Variants in ARMC9 observed in about 807,000 individuals in gnomAD.
The protein encoded by ARMC9 is armadillo repeat containing 9.
ARMC9 carries 94 observed loss-of-function variants against 107.0 expected under a neutral mutation model. The observed-to-expected ratio is 0.88, with a 90% CI of 0.74 to 1.04. The LOEUF (loss-of-function observed/expected upper bound fraction) is 1.04. ARMC9 is among the 50% of genes least tolerant of loss of function. The probability of loss-of-function intolerance (pLI) is 0.00; values close to 1 mark genes in which losing one functional copy is unlikely to be tolerated. For missense variants in ARMC9, 942 were observed against 1,030.1 expected, an observed-to-expected ratio of 0.91 and a Z score of 1.17; for synonymous variants, 380 against 396.9, an observed-to-expected ratio of 0.96 and a Z score of 0.51.
chr2:231,337,520 A>T, intron 20 of ARMC9, among the ~76,000 whole-genome samples: 13 of 106,540 alleles, frequency 1.2e-4, no homozygotes, highest in Non-Finnish European at 1.4e-4. Context: ...CCCAGGCTGG[A>T]GTTCAGTGGC....
chr2:231,265,996 T>TAAAA (rs541194304), intron 12 of ARMC9, among the ~76,000 whole-genome samples: 7 of 125,374 alleles, frequency 5.6e-5, no homozygotes, highest in Non-Finnish European at 1.2e-4. Flanking sequence ...AGACGCCATC[T>TAAAA]AAAAAAAAAA....
intron 7 of ARMC9, among the ~76,000 whole-genome samples, chr2:231,229,461 G>A (rs1234402438): frequency 2.0e-5 from 3 of 152,198 alleles, no homozygotes; most frequent in Non-Finnish European, 4.4e-5. Flanking sequence ...AATTACGTTT[G>A]AAATGCTGTG....
At chr2:231,345,224 G>C (rs1458058657) in intron 21 of ARMC9, 134 bp downstream of exon 21, 1 of 1,451,994 alleles carries the variant, frequency 6.9e-7, no homozygotes, top group Non-Finnish European at 9.1e-7. Flanking sequence ...ATTTTTGGGG[G>C]ATTTTTGGAG....
rs537149102 is a variant in ARMC9 at position 231,304,837 on chromosome 2, T to G, written c.1773+8584T>G. 5.3e-5 allele frequency among the ~76,000 whole-genome samples: 8 copies of G among 152,368 alleles called. 2 individuals are homozygous for G. The South Asian group carries it at 1.7e-3, about 32-fold the overall frequency. On this transcript the variant is annotated intron_variant, in intron 19 of 24. Coordinates refer to ENST00000611582, the MANE Select transcript of ARMC9 (RefSeq NM_001352754.2). The stretch of plus-strand genomic sequence containing the variant: ...GGTTTCTCAAAATTCTCATTTTTTC[T>G]TGAAAGTTTAAATTGTATTATTGCT...
chr2:231,291,290 A>G, intron 17 of ARMC9, 63 bp from the exon 18 acceptor site: 1 of 1,365,498 alleles, frequency 7.3e-7, no homozygotes, highest in Non-Finnish European at 1.0e-6. Flanking sequence ...AGATGACCTC[A>G]TTGAAAAGTA....
chr2:231,313,336 C>T (rs1199114668), intron 19 of ARMC9, among the ~76,000 whole-genome samples: 2 of 152,200 alleles, frequency 1.3e-5, no homozygotes, highest in East Asian at 3.8e-4. Context: ...CTTTTACTTT[C>T]AACCTATTCG....
intron 14 of ARMC9, 77 bp downstream of exon 14, chr2:231,273,155 C>A: frequency 6.5e-7 from 1 of 1,535,336 alleles, no homozygotes; most frequent in South Asian, 1.3e-5. Context: ...ACCCAGGAGG[C>A]AGATGGTATT....
At chr2:231,319,188 T>A (rs992321137) in intron 19 of ARMC9, among the ~76,000 whole-genome samples, 7 of 152,194 alleles carry the variant, frequency 4.6e-5, no homozygotes, top group African/African-American at 9.7e-5. Flanking sequence ...GAAATAAAAC[T>A]GCCTGAGTGA....
intron 20 of ARMC9, among the ~76,000 whole-genome samples, chr2:231,337,826 A>G (rs1430604911): frequency 6.6e-6 from 1 of 152,228 alleles, no homozygotes; most frequent in East Asian, 1.9e-4. Context: ...TTTGTTTCTT[A>G]TTCTTTTTTC....
intron 20 of ARMC9, among the ~76,000 whole-genome samples, chr2:231,339,409 C>T (rs1041760490): frequency 4.6e-5 from 7 of 151,478 alleles, no homozygotes; most frequent in Non-Finnish European, 1.0e-4. Context: ...AAAAATAATA[C>T]AAAAGAAAAT....
intron 9 of ARMC9, among the ~76,000 whole-genome samples, chr2:231,242,457 A>G (rs2036390994): frequency 6.6e-6 from 1 of 152,188 alleles, no homozygotes; most frequent in Admixed American, 6.5e-5. Context: ...TTAAAAGGTC[A>G]GTAAAGTCAC....
rs768158035 is a variant in ARMC9 at position 231,214,919 on chromosome 2, G to A, written c.266G>A (p.Gly89Glu). The change falls in exon 4 of 25, where the codon GGG becomes GAG. Residue 89 changes from glycine (G) to glutamate (E), a missense_variant. Coordinates refer to ENST00000611582, the MANE Select transcript of ARMC9 (RefSeq NM_001352754.2). ...CACATTTCAAGTTCCATCCGAGATGGGGACTCCTTTGCCCAGAAGCTGGAA... is the reference window on the plus strand; with the variant it reads ...CACATTTCAAGTTCCATCCGAGATGAGGACTCCTTTGCCCAGAAGCTGGAA... ...EEHISSSIRD[G>E]DSFAQKLEFY... 6.2e-7 allele frequency: 1 copy of A among 1,614,164 alleles called. No homozygotes were observed. Among genetic ancestry groups the A allele is most frequent in the Non-Finnish European group, 8.5e-7 (1 of 1,180,030 alleles).
In ARMC9 at chr2:231,235,231, G is replaced by A. The variant is rs766210571; in HGVS notation, c.630G>A (p.Leu210=). 7 of 1,609,782 alleles carry A rather than the reference G, an allele frequency of 4.3e-6. No individual in the cohort carries two copies. In the Middle Eastern group the frequency reaches 4.9e-4, roughly 114 times the overall value. Residue 210 remains leucine, a synonymous_variant, in exon 8 of 25, where the codon TTG becomes TTA. Coordinates refer to ENST00000611582, the MANE Select transcript of ARMC9 (RefSeq NM_001352754.2). Reference sequence around the variant, plus strand: ...TTTTAACTGTCTTCCTAGAAATCTTGCAGCAGCTCCACCAGCAGCTGGTTG... The same window carrying A: ...TTTTAACTGTCTTCCTAGAAATCTTACAGCAGCTCCACCAGCAGCTGGTTG... ...KENGQSNKEI[L]QQLHQQLVEA... is the part of the protein sequence containing the mutation.
chr2:231,287,733 C>T (rs769801973), intron 17 of ARMC9, among the ~76,000 whole-genome samples: 4 of 152,118 alleles, frequency 2.6e-5, no homozygotes, highest in Non-Finnish European at 5.9e-5. Flanking sequence ...ACATGAGTCA[C>T]CACGCCTGGC....
intron 1 of ARMC9, among the ~76,000 whole-genome samples, chr2:231,205,189 C>T (rs2031772471): frequency 6.6e-6 from 1 of 150,660 alleles, no homozygotes; most frequent in Non-Finnish European, 1.5e-5. Flanking sequence ...ACCCTGTCTC[C>T]CTGTCTCTAC....
chr2:231,308,841 G>T (rs2042177763), intron 19 of ARMC9, among the ~76,000 whole-genome samples: 1 of 152,202 alleles, frequency 6.6e-6, no homozygotes, highest in Non-Finnish European at 1.5e-5. Context: ...CTAGGTGCAT[G>T]TCCAGAGAGC....
intron 10 of ARMC9, among the ~76,000 whole-genome samples, chr2:231,258,235 G>A (rs1344344749): frequency 1.4e-4 from 22 of 152,000 alleles, no homozygotes; most frequent in African/African-American, 7.3e-5. Flanking sequence ...TGCCTAGACC[G>A]GAGTGGTGCG....
At chr2:231,285,849 G>A (rs1384451521) in intron 17 of ARMC9, among the ~76,000 whole-genome samples, 4 of 152,056 alleles carry the variant, frequency 2.6e-5, no homozygotes, top group East Asian at 1.9e-4. Flanking sequence ...CCCTCCTTTC[G>A]TGTTTATCCT....
intron 20 of ARMC9, among the ~76,000 whole-genome samples, chr2:231,341,628 TAGATAGATAGA>T (rs2044507388): frequency 1.8e-5 from 2 of 110,422 alleles, no homozygotes; most frequent in African/African-American, 1.2e-4. Context: ...GATTGATTGA[TAGATAGATAGA>T]TGATAGATAG....
Sources: gnomAD v4.1 joint callset for allele counts (sites outside exome capture counted in the v4.1 genomes callset) on GRCh38, gnomAD v4.1.1 for gene constraint, MANE v1.5 for transcripts, NCBI Gene and HGNC (gene_info 2026-07-23, HGNC 2026-07-21) for gene names.